OR51B5: variants seen among roughly 807,000 people sequenced by gnomAD.
The protein encoded by OR51B5 is olfactory receptor 51B5.
For missense variants in OR51B5, 456 were observed against 374.6 expected (o/e 1.22, Z -1.79); for synonymous variants, 186 against 144.8 (o/e 1.28, Z -2.04).
chr11:5,499,008 C>T (rs572841167), intron 1 of OR51B5, among the ~76,000 whole-genome samples: 9 of 152,244 alleles, frequency 5.9e-5, no homozygotes, highest in East Asian at 1.9e-4. Flanking sequence ...GCTATTATTC[C>T]GACATGGGAC....
intron 1 of OR51B5, among the ~76,000 whole-genome samples, chr11:5,490,946 G>C (rs780762016): frequency 6.6e-6 from 1 of 152,220 alleles, no homozygotes. Flanking sequence ...TTTTATAGCT[G>C]CATGGCTTAA....
At chr11:5,354,363 A>C (rs1849154149) in intron 1 of OR51B5, among the ~76,000 whole-genome samples, 1 of 152,234 alleles carries the variant, frequency 6.6e-6, no homozygotes, top group Non-Finnish European at 1.5e-5. Context: ...TAGGATAACA[A>C]TACATTTTAT....
chr11:5,489,445 C>T, intron 1 of OR51B5: 6 of 1,614,030 alleles, frequency 3.7e-6, no homozygotes, highest in Non-Finnish European at 4.2e-6. Flanking sequence ...CTGTGGCTCC[C>T]ACATTGGCAT....
At chr11:5,373,073 T>C (rs1001934513) in intron 1 of OR51B5, among the ~76,000 whole-genome samples, 2 of 152,200 alleles carry the variant, frequency 1.3e-5, no homozygotes, top group African/African-American at 4.8e-5. Context: ...AGGGGAAGGA[T>C]AGTCTCCTCA....
downstream of OR51B5, among the ~76,000 whole-genome samples, chr11:5,341,632 G>A (rs969091905): frequency 9.9e-5 from 15 of 151,984 alleles, no homozygotes; most frequent in Admixed American, 5.9e-4. Context: ...GTATTCTTTG[G>A]GAAATTTACA....
Position 5,410,227 on chromosome 11 carries a change from C to T in OR51B5, n.85-63317G>A, listed in dbSNP as rs148729409. Among the ~76,000 whole-genome samples the T allele has an allele frequency of 8.5e-5, 13 of 152,054 alleles. No homozygotes were observed. In the East Asian group the frequency reaches 1.4e-3, roughly 16 times the overall value. ...GTAAATATGTAGAAGAAAGCAAACA[C>T]TGACTGAAAAAAACAATAATACTCA... On this transcript the variant is annotated intron_variant and non_coding_transcript_variant, in intron 1 of 4. Transcript: ENST00000415970.
At chr11:5,488,951 C>A (rs748503039) in intron 1 of OR51B5, 1 of 1,614,068 alleles carries the variant, frequency 6.2e-7, no homozygotes, top group Non-Finnish European at 8.5e-7. Context: ...ACCACTGTGC[C>A]CAAGATGCTG....
At chr11:5,486,078 C>G (rs751470024) in intron 1 of OR51B5, among the ~76,000 whole-genome samples, 1 of 151,976 alleles carries the variant, frequency 6.6e-6, no homozygotes, top group Non-Finnish European at 1.5e-5. Context: ...CACAAAGAAC[C>G]AAACCTGCCA....
intron 1 of OR51B5, chr11:5,453,553 G>C (rs1311795759): frequency 1.9e-6 from 3 of 1,608,606 alleles, no homozygotes; most frequent in Non-Finnish European, 2.5e-6. Context: ...GGTCTGGAGA[G>C]CTCTCACTCC....
intron 1 of OR51B5, chr11:5,355,457 TTGCAAAGATGTCCTCA>T (rs970824804): frequency 3.3e-5 from 5 of 153,568 alleles, no homozygotes; most frequent in Admixed American, 6.5e-5. Flanking sequence ...CCTCTCCACA[TTGCAAAGATGTCCTCA>T]TGGCCTAGGG....
intron 1 of OR51B5, among the ~76,000 whole-genome samples, chr11:5,348,546 C>T (rs6578611): frequency 0.38 from 58,329 of 151,980 alleles, 11,840 homozygotes; most frequent in Non-Finnish European, 0.45. Flanking sequence ...TAAGCTTGGA[C>T]GGAGCTTGGG....
At chr11:5,340,349 T>A (rs548210121), downstream of OR51B5, 4 of 152,252 alleles carry the variant, frequency 2.6e-5, no homozygotes, top group Non-Finnish European at 4.4e-5. Flanking sequence ...TTATTTATTA[T>A]CATTTCTTTA....
intron 1 of OR51B5, chr11:5,422,728 C>G (rs916022249): frequency 6.2e-7 from 1 of 1,614,074 alleles, no homozygotes; most frequent in Non-Finnish European, 8.5e-7. Flanking sequence ...CCCACCTTCT[C>G]TCTCGCTCCT....
chr11:5,492,070 T>A (rs1274923707), intron 1 of OR51B5, among the ~76,000 whole-genome samples: 1 of 152,188 alleles, frequency 6.6e-6, no homozygotes, highest in African/African-American at 2.4e-5. Context: ...CAAGTCTAGC[T>A]GTTTCAATTT....
At chr11:5,493,745 A>G (rs1564832573) in intron 1 of OR51B5, among the ~76,000 whole-genome samples, 1 of 152,172 alleles carries the variant, frequency 6.6e-6, no homozygotes, top group Non-Finnish European at 1.5e-5. Flanking sequence ...AGACTATCTT[A>G]GGTTTAAACC....
intron 1 of OR51B5, among the ~76,000 whole-genome samples, chr11:5,353,141 C>A (rs956544492): frequency 1.1e-4 from 17 of 151,904 alleles, no homozygotes; most frequent in African/African-American, 4.1e-4. Flanking sequence ...TAAGCCATTT[C>A]CCTCAATTAC....
At chr11:5,450,305 C>T (rs1441895288) in intron 1 of OR51B5, among the ~76,000 whole-genome samples, 2 of 152,042 alleles carry the variant, frequency 1.3e-5, no homozygotes, top group Admixed American at 6.6e-5. Context: ...ACAAGAATCA[C>T]CTGAACCTGG....
At chr11:5,483,206 A>G (rs1851449810) in intron 1 of OR51B5, among the ~76,000 whole-genome samples, 1 of 149,676 alleles carries the variant, frequency 6.7e-6, no homozygotes, top group Admixed American at 6.7e-5. Flanking sequence ...TGTCCTTTGT[A>G]GAGACATGGA....
Position 5,421,406 on chromosome 11 carries a change from T to C in OR51B5, n.85-74496A>G, listed in dbSNP as rs549928534. 2.5e-4 allele frequency among the ~76,000 whole-genome samples: 38 copies of C among 152,344 alleles called. 1 individual carries two copies. The highest frequency in any genetic ancestry group is 1.4e-3 in the South Asian group (7 of 4,830). ...TCATCAGGAAAAAGAAAAGGGCACA[T>C]GACTTGTTAGAACATAAGAATTAAT... On this transcript the variant is annotated intron_variant and non_coding_transcript_variant, in intron 1 of 4. Transcript: ENST00000415970.
Sources: allele counts gnomAD v4.1 joint callset (sites outside exome capture counted in the v4.1 genomes callset), GRCh38; gene constraint gnomAD v4.1.1; transcripts MANE v1.5; gene names NCBI Gene and HGNC (gene_info 2026-07-23, HGNC 2026-07-21).